SYT11: variants seen among roughly 807,000 people sequenced by gnomAD.
SYT11 encodes synaptotagmin-11.
Under a neutral mutation model 30.4 loss-of-function variants are expected in SYT11, and 12 were observed. That is an observed-to-expected ratio of 0.39 (90% CI 0.25 to 0.64). SYT11 has a LOEUF of 0.64. SYT11 is among the 30% of genes least tolerant of loss of function. SYT11 has a pLI of 0.45. For synonymous variants in SYT11, 204 were observed against 216.0 expected (o/e 0.94, Z 0.49); for missense variants, 412 against 552.0 (o/e 0.75, Z 2.54).
chr1:155,870,308 A>G (rs1276754677), intron 2 of SYT11, among the ~76,000 whole-genome samples: 1 of 152,216 alleles, frequency 6.6e-6, no homozygotes, highest in Admixed American at 6.5e-5. Context: ...TCTTATGGGA[A>G]TAGAGTAGGA....
chr1:155,861,425 C>A (rs866163281), intron 1 of SYT11, among the ~76,000 whole-genome samples: 1 of 152,200 alleles, frequency 6.6e-6, no homozygotes, highest in South Asian at 2.1e-4. Flanking sequence ...ATAGTGATTT[C>A]TCTTAGAGGG....
intron 2 of SYT11, among the ~76,000 whole-genome samples, chr1:155,870,249 C>T (rs771497357): frequency 2.6e-5 from 4 of 152,148 alleles, no homozygotes; most frequent in Non-Finnish European, 5.9e-5. Flanking sequence ...CAAATTCCAC[C>T]AGCTAAATGA....
chr1:155,881,394 G>C lies in SYT11; in HGVS notation c.1182G>C (p.Gly394=), dbSNP rs558521207. 1.4e-5 allele frequency: 23 copies of C among 1,614,016 alleles called. No individual in the cohort carries two copies. Among genetic ancestry groups the C allele is most frequent in the Middle Eastern group, 1.6e-4 (1 of 6,062 alleles). The change falls in exon 4 of 4, where the codon GGG becomes GGC. Residue 394 remains glycine, a synonymous_variant. Transcript: ENST00000368324. ...GCACCACCAAGAATGAGGTGGTGGG[G>C]AGGCTGATCCTGGGGGCACACAGTG... ...FDRTTKNEVV[G]RLILGAHSVT...
rs113725739 is a variant in SYT11, at chr1:155,882,648, T to G, written c.*1140T>G. The G allele has an allele frequency of 1.3e-5, 2 of 152,466 alleles. No individual in the cohort carries two copies. The highest frequency in any genetic ancestry group is 4.8e-5 in the African/African-American group (2 of 41,584). The allele number at this position is 152,466 out of a possible 1,614,324, so 9.4% of individuals were successfully genotyped here. Reference sequence around the variant, plus strand: ...GGAAACTTCAAATTCAGCTATAGGATAGTACCAATGAACACATCCAGCTGA... The same window carrying G: ...GGAAACTTCAAATTCAGCTATAGGAGAGTACCAATGAACACATCCAGCTGA... On this transcript the variant is annotated 3_prime_UTR_variant, in exon 4 of 4. Transcript: ENST00000368324.
chr1:155,875,656 G>C (rs930871957), intron 2 of SYT11, among the ~76,000 whole-genome samples: 7 of 152,030 alleles, frequency 4.6e-5, no homozygotes, highest in Non-Finnish European at 5.9e-5. Context: ...GCCCTCCTCG[G>C]CCTCCAAAGT....
chr1:155,871,798 C>T (rs892674191), intron 2 of SYT11, among the ~76,000 whole-genome samples: 2 of 152,172 alleles, frequency 1.3e-5, no homozygotes, highest in Non-Finnish European at 2.9e-5. Flanking sequence ...TTTTCCCAAC[C>T]AGTGCCCGTA....
intron 2 of SYT11, among the ~76,000 whole-genome samples, chr1:155,879,715 A>G (rs1313923373): frequency 6.6e-6 from 1 of 152,228 alleles, no homozygotes; most frequent in Non-Finnish European, 1.5e-5. Flanking sequence ...TTTAAAGGAT[A>G]AGAACCAAAT....
At position 155,874,976 on chromosome 1, in the gene SYT11, C is replaced by T. The variant is rs1020688133; in HGVS notation, c.862-5524C>T. On this transcript the variant is annotated intron_variant, in intron 2 of 3. Transcript: ENST00000368324. ...ATACGATTAAGAGCTGACAATAGGC[C>T]GGGCATGGTGACTCACGCCTGTAAT... 6.0e-5 allele frequency among the ~76,000 whole-genome samples: 9 copies of T among 149,550 alleles called. 1 individual carries two copies. Among genetic ancestry groups the T allele is most frequent in the Non-Finnish European group, 1.3e-4 (9 of 67,078 alleles).
At chr1:155,879,316 C>A (rs1229325884) in intron 2 of SYT11, among the ~76,000 whole-genome samples, 2 of 151,620 alleles carry the variant, frequency 1.3e-5, no homozygotes, top group Admixed American at 6.6e-5. Context: ...ACTCTGGAGG[C>A]TGAGACAGGA....
At chr1:155,872,943 G>GA (rs955680997) in intron 2 of SYT11, among the ~76,000 whole-genome samples, 8 of 151,722 alleles carry the variant, frequency 5.3e-5, no homozygotes, top group African/African-American at 1.9e-4. Flanking sequence ...TTTTAAGGGA[G>GA]AAAAAAATGA....
At position 155,868,772 on chromosome 1, in the gene SYT11, T is replaced by C. The variant is rs1455461887; in HGVS notation, c.842T>C (p.Ile281Thr). 6.2e-7 allele frequency: 1 copy of C among 1,613,140 alleles called. No individual in the cohort carries two copies. Among genetic ancestry groups the C allele is most frequent in the Non-Finnish European group, 8.5e-7 (1 of 1,179,460 alleles). ...STGKVQLTRD[I>T]IKRNIQKCIS... ...GGCAAGGTACAACTGACCAGGGACA[T>C]CATCAAAAGGAATATCCAGGTGAGT... Residue 281 changes from isoleucine to threonine, a missense_variant, in exon 2 of 4, where the codon ATC becomes ACC. Ile to Thr is a moderately conservative substitution (Grantham distance 89, BLOSUM62 -1). Coordinates refer to ENST00000368324, the MANE Select transcript of SYT11 (RefSeq NM_152280.5). The surrounding 1 kb of genome is among the most constrained non-coding windows in gnomAD (Gnocchi z 4.7).
rs796253100 is a variant in SYT11, at chr1:155,880,153, C to T, written c.862-347C>T. On this transcript the variant is annotated intron_variant, in intron 2 of 3. Coordinates refer to ENST00000368324, the MANE Select transcript of SYT11 (RefSeq NM_152280.5). ...GCTGCAGTGAGCCAAGATCACGTCA[C>T]TGAATTCCAATCTGGGCAACAGAGT... is the stretch of plus-strand genomic sequence containing the variant. Among the ~76,000 whole-genome samples the T allele has an allele frequency of 3.9e-5, 6 of 152,180 alleles. 1 individual carries two copies. The highest frequency in any genetic ancestry group is 1.4e-4 in the African/African-American group (6 of 41,492).
Position 155,859,583 on chromosome 1 carries a change from A to C in SYT11, c.-179A>C. On this transcript the variant is annotated 5_prime_UTR_variant, in exon 1 of 4. Transcript: ENST00000368324. Reference sequence around the variant, plus strand: ...CCTTAGCTCAGCGCATCCCCGGAGCATCTTAAGAGCTGAGCGCAGCTGACA... The same window carrying C: ...CCTTAGCTCAGCGCATCCCCGGAGCCTCTTAAGAGCTGAGCGCAGCTGACA... 2 of 661,692 alleles carry C rather than the reference A, an allele frequency of 3.0e-6. No individual in the cohort carries two copies. Among genetic ancestry groups the C allele is most frequent in the African/African-American group, 1.8e-5 (1 of 55,894 alleles). 41.0% of individuals were successfully genotyped at this position (661,692 alleles called of 1,614,324 possible).
chr1:155,876,543 G>A (rs1434758105), intron 2 of SYT11, among the ~76,000 whole-genome samples: 1 of 151,502 alleles, frequency 6.6e-6, no homozygotes, highest in East Asian at 1.9e-4. Context: ...ACTGCACCCG[G>A]CCAAAACTCA....
At chr1:155,872,399 G>T (rs1174707729) in intron 2 of SYT11, among the ~76,000 whole-genome samples, 3 of 152,190 alleles carry the variant, frequency 2.0e-5, no homozygotes, top group African/African-American at 7.2e-5. Context: ...GGGCTCCTTG[G>T]CTAGAAAATC....
In SYT11 at chr1:155,868,727, C is replaced by T. The variant is rs774414460; in HGVS notation, c.797C>T (p.Ala266Val). The change falls in exon 2 of 4, where the codon GCA becomes GTA. Residue 266 changes from alanine (A) to valine (V), a missense_variant. By Grantham distance (64) the Ala-to-Val change is moderately conservative (BLOSUM62 0). Transcript: ENST00000368324. The surrounding 1 kb of genome is among the most constrained non-coding windows in gnomAD (Gnocchi z 4.7). Reference sequence around the variant, plus strand: ...ATTGGCGAGGTCATGGTGCCACTGGCAGGGGTGGACCCCAGCACAGGCAAG... The same window carrying T: ...ATTGGCGAGGTCATGGTGCCACTGGTAGGGGTGGACCCCAGCACAGGCAAG... ...DVIGEVMVPL[A>V]GVDPSTGKVQ... 5 of 1,614,176 alleles carry T rather than the reference C, an allele frequency of 3.1e-6. No individual in the cohort carries two copies. In the East Asian group the frequency reaches 1.1e-4, roughly 36 times the overall value.
chr1:155,867,003 TAC>T (rs1672691347), intron 1 of SYT11, among the ~76,000 whole-genome samples: 1 of 150,356 alleles, frequency 6.7e-6, no homozygotes, highest in Non-Finnish European at 1.5e-5. Flanking sequence ...TATATATATA[TAC>T]ATACATACAC....
intron 2 of SYT11, among the ~76,000 whole-genome samples, chr1:155,876,818 C>G (rs1489508902): frequency 6.6e-6 from 1 of 152,078 alleles, no homozygotes; most frequent in Non-Finnish European, 1.5e-5. Flanking sequence ...TGGAGTCTCA[C>G]TCTGTCGCCC....
In SYT11 at chr1:155,863,710, C is replaced by A. The variant is rs367686677; in HGVS notation, c.34+3915C>A. Among the ~76,000 whole-genome samples, 204 of 152,126 alleles carry A rather than the reference C, an allele frequency of 1.3e-3. 2 individuals are homozygous for A. Among genetic ancestry groups the A allele is most frequent in the African/African-American group, 4.0e-3 (168 of 41,510 alleles). On this transcript the variant is annotated intron_variant, in intron 1 of 3. Coordinates refer to ENST00000368324, the MANE Select transcript of SYT11 (RefSeq NM_152280.5). Reference sequence around the variant, plus strand: ...CCAAGGCTGGCAGATCACTTGAGGTCAGGAGTTCGAGACCAGCGTGGCCAA... The same window carrying A: ...CCAAGGCTGGCAGATCACTTGAGGTAAGGAGTTCGAGACCAGCGTGGCCAA...
Sources: allele counts gnomAD v4.1 joint callset (sites outside exome capture counted in the v4.1 genomes callset), GRCh38; gene constraint gnomAD v4.1.1; non-coding constraint Gnocchi (gnomAD v3.1); transcripts MANE v1.5; gene names NCBI Gene and HGNC (gene_info 2026-07-23, HGNC 2026-07-21).